RFX3: variants seen among roughly 807,000 people sequenced by gnomAD.
The protein encoded by RFX3 is regulatory factor X3.
Under a neutral mutation model 98.6 loss-of-function variants are expected in RFX3, and 14 were observed. The ratio of observed to expected loss-of-function variants is 0.14; its 90% CI spans 0.09 to 0.22. RFX3 has a LOEUF of 0.22. RFX3 is among the 10% of genes least tolerant of loss of function. RFX3 has a pLI of 1.00. For synonymous variants in RFX3, 383 were observed against 328.4 expected, an observed-to-expected ratio of 1.17 and a Z score of -1.80; for missense variants, 639 against 926.9, an observed-to-expected ratio of 0.69 and a Z score of 4.03.
At chr9:3,494,770 A>C (rs1285357890) in intron 1 of RFX3, among the ~76,000 whole-genome samples, 1 of 152,176 alleles carries the variant, frequency 6.6e-6, no homozygotes, top group Non-Finnish European at 1.5e-5. Flanking sequence ...TGTCTTGCTT[A>C]ATAGAAGACA....
Position 3,461,755 on chromosome 9 carries a change from T to C in RFX3, c.-9+63992A>G, listed in dbSNP as rs143740784. Among the ~76,000 whole-genome samples the C allele has an allele frequency of 3.2e-3, 493 of 152,084 alleles. 1 individual carries two copies. The highest frequency in any genetic ancestry group is 5.7e-3 in the Admixed American group (87 of 15,280). On this transcript the variant is annotated intron_variant, in intron 1 of 16. Coordinates refer to ENST00000617270, the MANE Select transcript of RFX3 (RefSeq NM_001282116.2). Reference sequence around the variant, plus strand: ...TGAATATATTTTCATATGTCATATCTATGGCTTATTGATATTAAATTAATA... The same window carrying C: ...TGAATATATTTTCATATGTCATATCCATGGCTTATTGATATTAAATTAATA...
intron 3 of RFX3, among the ~76,000 whole-genome samples, chr9:3,335,151 T>C (rs1164835549): frequency 2.6e-5 from 4 of 151,592 alleles, no homozygotes; most frequent in African/African-American, 9.7e-5. Flanking sequence ...ATAATAATAA[T>C]ATTCTTAGCC....
chr9:3,438,984 C>G (rs896504395), intron 1 of RFX3, among the ~76,000 whole-genome samples: 3 of 151,826 alleles, frequency 2.0e-5, no homozygotes, highest in Non-Finnish European at 2.9e-5. Flanking sequence ...TATCTGCTCA[C>G]AATTGAACTG....
intron 3 of RFX3, 66 bp downstream of exon 3, chr9:3,346,601 G>T: frequency 1.1e-6 from 1 of 935,460 alleles, no homozygotes; most frequent in South Asian, 1.3e-5. Flanking sequence ...ATAGTGGGAG[G>T]TGTTCAAAAG....
At position 3,514,577 on chromosome 9, in the gene RFX3, G is replaced by C. The variant is rs182160213; in HGVS notation, c.-9+11170C>G. Reference sequence around the variant, plus strand: ...GCAATACACCCACCTCAGTCCTGAGGGGGTGGTACTACAGGCAGGCACCAC... The same window carrying C: ...GCAATACACCCACCTCAGTCCTGAGCGGGTGGTACTACAGGCAGGCACCAC... On this transcript the variant is annotated intron_variant, in intron 1 of 16. Coordinates refer to ENST00000617270, the MANE Select transcript of RFX3 (RefSeq NM_001282116.2). 3.6e-4 allele frequency among the ~76,000 whole-genome samples: 54 copies of C among 152,048 alleles called. 2 individuals are homozygous for C. The highest frequency in any genetic ancestry group is 2.0e-3 in the Admixed American group (30 of 15,274).
intron 4 of RFX3, among the ~76,000 whole-genome samples, chr9:3,324,613 GA>G (rs922603712): frequency 2.6e-5 from 4 of 151,042 alleles, no homozygotes; most frequent in East Asian, 1.9e-4. Context: ...GAGAGGGAGT[GA>G]AAAAATATAT....
intron 15 of RFX3, chr9:3,247,296 G>A: frequency 1.0e-6 from 1 of 987,138 alleles, no homozygotes; most frequent in South Asian, 4.7e-5. Context: ...CCATTTTGAT[G>A]ACTATTCAGA....
At chr9:3,288,027 A>C (rs969872556) in intron 7 of RFX3, 104 bp downstream of exon 7, 20 of 1,071,290 alleles carry the variant, frequency 1.9e-5, no homozygotes, top group Admixed American at 4.3e-5. Context: ...CATGCCAACA[A>C]TAAGAACGTT....
chr9:3,278,647 C>T (rs1383709747), intron 7 of RFX3, among the ~76,000 whole-genome samples: 1 of 151,814 alleles, frequency 6.6e-6, no homozygotes, highest in Non-Finnish European at 1.5e-5. Context: ...CCTGGTAGAA[C>T]ATCATACAAA....
chr9:3,268,985 C>T (rs570821667), intron 11 of RFX3, among the ~76,000 whole-genome samples: 54 of 152,006 alleles, frequency 3.6e-4, no homozygotes, highest in Non-Finnish European at 7.5e-4. Context: ...TAGAGATTAT[C>T]ACTCAGAGCA....
intron 2 of RFX3, among the ~76,000 whole-genome samples, chr9:3,369,337 T>C (rs1837551523): frequency 6.6e-6 from 1 of 152,182 alleles, no homozygotes; most frequent in African/African-American, 2.4e-5. Context: ...TCTCTCTAGG[T>C]TGTCTTTTGT....
chr9:3,261,895 G>A (rs1034686775), intron 13 of RFX3, among the ~76,000 whole-genome samples: 3 of 152,060 alleles, frequency 2.0e-5, no homozygotes, highest in African/African-American at 4.8e-5. Context: ...TTTCCCTGGT[G>A]GCTAATGACA....
chr9:3,496,944 T>C (rs150874931), intron 1 of RFX3, among the ~76,000 whole-genome samples: 283 of 152,148 alleles, frequency 1.9e-3, no homozygotes, highest in African/African-American at 6.4e-3. Flanking sequence ...CACAGATCCA[T>C]GCAAGTACTA....
intron 1 of RFX3, among the ~76,000 whole-genome samples, chr9:3,412,382 T>C (rs374302554): frequency 6.6e-5 from 10 of 152,210 alleles, no homozygotes; most frequent in Non-Finnish European, 1.3e-4. Context: ...AATTATAGAA[T>C]TGAGCTCTTA....
intron 1 of RFX3, among the ~76,000 whole-genome samples, chr9:3,432,703 C>T (rs1055179162): frequency 6.6e-6 from 1 of 152,096 alleles, no homozygotes; most frequent in Non-Finnish European, 1.5e-5. Context: ...TGCATCCAAA[C>T]CAATGCCAGA....
chr9:3,384,594 T>C (rs1003401814), intron 2 of RFX3, among the ~76,000 whole-genome samples: 3 of 152,208 alleles, frequency 2.0e-5, no homozygotes, highest in African/African-American at 7.2e-5. Context: ...AGATGCTCAG[T>C]AGATTGTAGC....
intron 1 of RFX3, among the ~76,000 whole-genome samples, chr9:3,423,883 C>G (rs1054010536): frequency 3.3e-5 from 5 of 149,948 alleles, no homozygotes; most frequent in Non-Finnish European, 7.4e-5. Flanking sequence ...CGCGGTGGCT[C>G]ACGCCTGTAA....
chr9:3,250,868 C>A (rs918783864), intron 14 of RFX3, among the ~76,000 whole-genome samples: 1 of 152,018 alleles, frequency 6.6e-6, no homozygotes, highest in Admixed American at 6.6e-5. Flanking sequence ...CTCCATACAT[C>A]AAAAAATTCC....
rs1387927143 is a variant in RFX3 at position 3,223,134 on chromosome 9, T to A, written c.*1908A>T. ...TGGGTTTAATATAGGCCTCATTTGATAATCTGTCAATCATTTTGTGCTTTC... is the reference window on the plus strand; with the variant it reads ...TGGGTTTAATATAGGCCTCATTTGAAAATCTGTCAATCATTTTGTGCTTTC... On this transcript the variant is annotated 3_prime_UTR_variant, in exon 17 of 17. Coordinates refer to ENST00000617270, the MANE Select transcript of RFX3 (RefSeq NM_001282116.2). The A allele has an allele frequency of 6.6e-6, 1 of 152,116 alleles. No homozygotes were observed. The highest frequency in any genetic ancestry group is 1.5e-5 in the Non-Finnish European group (1 of 68,030). 9.4% of individuals were successfully genotyped at this position (152,116 alleles called of 1,614,324 possible). A position where few individuals can be genotyped will look rare whatever the true frequency, so the allele number is the denominator to read the frequency against.
Sources: gnomAD v4.1 joint callset for allele counts (sites outside exome capture counted in the v4.1 genomes callset) on GRCh38, gnomAD v4.1.1 for gene constraint, MANE v1.5 for transcripts, NCBI Gene and HGNC (gene_info 2026-07-23, HGNC 2026-07-21) for gene names.